UBE2R2: variants seen among roughly 807,000 people sequenced by gnomAD.
UBE2R2 encodes ubiquitin conjugating enzyme E2 R2.
Under a neutral mutation model 27.8 loss-of-function variants are expected in UBE2R2, and 1 was observed. That is an observed-to-expected ratio of 0.04 (90% confidence interval 0.01 to 0.17). The LOEUF (loss-of-function observed/expected upper bound fraction) is 0.17. UBE2R2 is among the 10% of genes least tolerant of loss of function. The pLI is 1.00. For synonymous variants in UBE2R2, 106 were observed against 113.3 expected (o/e 0.94, Z 0.41); for missense variants, 100 against 291.0 (o/e 0.34, Z 4.78).
At chr9:33,856,297 A>G (rs969195411) in intron 1 of UBE2R2, among the ~76,000 whole-genome samples, 1 of 152,152 alleles carries the variant, frequency 6.6e-6, no homozygotes, top group Admixed American at 6.6e-5. Flanking sequence ...TACTGTATGT[A>G]TATGTAATTT....
intron 1 of UBE2R2, among the ~76,000 whole-genome samples, chr9:33,860,923 A>T (rs1392231107): frequency 2.4e-5 from 2 of 83,956 alleles, no homozygotes; most frequent in Non-Finnish European, 4.6e-5. Flanking sequence ...CACAATCGTT[A>T]ACCCTGTGTT....
chr9:33,905,847 C>T (rs1007274631), intron 3 of UBE2R2, among the ~76,000 whole-genome samples: 2 of 151,922 alleles, frequency 1.3e-5, no homozygotes, highest in African/African-American at 4.8e-5. Flanking sequence ...TTTTAAGGAC[C>T]CAGGACAACT....
intron 1 of UBE2R2, among the ~76,000 whole-genome samples, chr9:33,869,915 C>A (rs901681603): frequency 2.6e-5 from 4 of 152,048 alleles, no homozygotes; most frequent in African/African-American, 9.7e-5. Flanking sequence ...GGCGCGATCT[C>A]GGCTCACCGA....
intron 1 of UBE2R2, among the ~76,000 whole-genome samples, chr9:33,879,172 G>A (rs1821677629): frequency 6.6e-6 from 1 of 152,142 alleles, no homozygotes; most frequent in Non-Finnish European, 1.5e-5. Context: ...GGTCAAGGCT[G>A]GCAGTGATCC....
intron 1 of UBE2R2, among the ~76,000 whole-genome samples, chr9:33,879,496 C>G (rs146449682): frequency 6.6e-6 from 1 of 152,166 alleles, no homozygotes; most frequent in African/African-American, 2.4e-5. Context: ...CTCTGTCACC[C>G]AGGCTGGAGT....
At chr9:33,901,504 A>G (rs113490258) in intron 3 of UBE2R2, among the ~76,000 whole-genome samples, 3 of 152,342 alleles carry the variant, frequency 2.0e-5, no homozygotes, top group African/African-American at 4.8e-5. Flanking sequence ...CAGGGTATCT[A>G]TATAAATTAT....
At chr9:33,886,377 C>T (rs974967314) in intron 1 of UBE2R2, among the ~76,000 whole-genome samples, 1 of 152,080 alleles carries the variant, frequency 6.6e-6, no homozygotes, top group African/African-American at 2.4e-5. Context: ...TTTATAGGGG[C>T]AGGGCACGGT....
chr9:33,896,422 G>A (rs1822105487), intron 2 of UBE2R2, among the ~76,000 whole-genome samples: 1 of 151,722 alleles, frequency 6.6e-6, no homozygotes, highest in Non-Finnish European at 1.5e-5. Flanking sequence ...TCACCACTGA[G>A]TATGATGTTA....
In UBE2R2 at chr9:33,817,361, C is replaced by T. The variant is rs1156362645; in HGVS notation, c.-397C>T. Among the ~76,000 whole-genome samples the T allele has an allele frequency of 6.6e-6, 1 of 150,498 alleles. No individual in the cohort carries two copies. Among genetic ancestry groups the T allele is most frequent in the African/African-American group, 2.4e-5 (1 of 40,992 alleles). On this transcript the variant is annotated 5_prime_UTR_variant, in exon 1 of 5. Coordinates refer to ENST00000263228, the MANE Select transcript of UBE2R2 (RefSeq NM_017811.4). Reference sequence around the variant, plus strand: ...CGAGAGGGCGAGCGAGCGCGGCGTTCCCGGGCCGGCCCGGCCCCCTCCCTT... The same window carrying T: ...CGAGAGGGCGAGCGAGCGCGGCGTTTCCGGGCCGGCCCGGCCCCCTCCCTT...
At position 33,917,015 on chromosome 9, in the gene UBE2R2, C is replaced by T; in HGVS notation, c.498-3C>T. On this transcript the variant is annotated splice_region_variant and splice_polypyrimidine_tract_variant and intron_variant, in intron 4 of 4. Coordinates refer to ENST00000263228, the MANE Select transcript of UBE2R2 (RefSeq NM_017811.4). ...AACCATTTCTGTGTCAACCTCCCTTCAGGAAACAAGTTTCAGCCACTAAGG... is the reference window on the plus strand; with the variant it reads ...AACCATTTCTGTGTCAACCTCCCTTTAGGAAACAAGTTTCAGCCACTAAGG... 1 of 1,614,140 alleles carries T rather than the reference C, an allele frequency of 6.2e-7. No homozygotes were observed.
At chr9:33,840,045 T>C (rs927086144) in intron 1 of UBE2R2, among the ~76,000 whole-genome samples, 1 of 152,192 alleles carries the variant, frequency 6.6e-6, no homozygotes, top group Non-Finnish European at 1.5e-5. Context: ...TTATGACTTT[T>C]GGTATAGCAG....
At chr9:33,828,339 G>A (rs1820362952) in intron 1 of UBE2R2, among the ~76,000 whole-genome samples, 1 of 147,050 alleles carries the variant, frequency 6.8e-6, no homozygotes, top group African/African-American at 2.5e-5. Context: ...CTTATGGAGT[G>A]TTTTACAAGG....
chr9:33,901,149 T>C (rs1361962100), intron 3 of UBE2R2, among the ~76,000 whole-genome samples: 1 of 152,200 alleles, frequency 6.6e-6, no homozygotes, highest in Non-Finnish European at 1.5e-5. Context: ...ATAAATTTTC[T>C]TGTTTTTGAT....
chr9:33,855,782 C>G (rs1018685866), intron 1 of UBE2R2, among the ~76,000 whole-genome samples: 1 of 152,200 alleles, frequency 6.6e-6, no homozygotes, highest in Non-Finnish European at 1.5e-5. Flanking sequence ...CATCTGTTTT[C>G]ATTGAAACCT....
chr9:33,918,908 C>G lies in UBE2R2; in HGVS notation c.*1671C>G, dbSNP rs1822725968. On this transcript the variant is annotated 3_prime_UTR_variant, in exon 5 of 5. Coordinates refer to ENST00000263228, the MANE Select transcript of UBE2R2 (RefSeq NM_017811.4). ...TTCTGATCTCAGGGTTTTCACTCTT[C>G]AAACTCCCAAACACATGACTTCTTC... is the stretch of plus-strand genomic sequence containing the variant. 1 of 152,788 alleles carries G rather than the reference C, an allele frequency of 6.5e-6. No individual in the cohort carries two copies. The highest frequency in any genetic ancestry group is 2.4e-5 in the African/African-American group (1 of 41,434). 9.5% of individuals were successfully genotyped at this position (152,788 alleles called of 1,614,324 possible).
chr9:33,870,188 G>A (rs1183145178), intron 1 of UBE2R2, among the ~76,000 whole-genome samples: 1 of 151,706 alleles, frequency 6.6e-6, no homozygotes, highest in Non-Finnish European at 1.5e-5. Flanking sequence ...TGTCACCTAG[G>A]CTGGAGTGCA....
At chr9:33,905,680 A>G (rs1197100994) in intron 3 of UBE2R2, among the ~76,000 whole-genome samples, 1 of 152,210 alleles carries the variant, frequency 6.6e-6, no homozygotes, top group African/African-American at 2.4e-5. Flanking sequence ...TTTTACCATC[A>G]GTTGCCCTGT....
At chr9:33,903,104 A>C (rs1356304181) in intron 3 of UBE2R2, among the ~76,000 whole-genome samples, 1 of 152,214 alleles carries the variant, frequency 6.6e-6, no homozygotes, top group Non-Finnish European at 1.5e-5. Context: ...TGTCTCAAAA[A>C]AAAAAAAAGT....
At chr9:33,890,999 C>T (rs1474791801) in intron 2 of UBE2R2, among the ~76,000 whole-genome samples, 3 of 150,994 alleles carry the variant, frequency 2.0e-5, no homozygotes, top group East Asian at 3.9e-4. Context: ...CTAGAGACCC[C>T]ATCTGGCCAA....
Sources: gnomAD v4.1 joint callset for allele counts (sites outside exome capture counted in the v4.1 genomes callset) on GRCh38, gnomAD v4.1.1 for gene constraint, MANE v1.5 for transcripts, NCBI Gene and HGNC (gene_info 2026-07-23, HGNC 2026-07-21) for gene names.